MYO1B: variants seen among roughly 807,000 people sequenced by gnomAD.
MYO1B encodes the protein unconventional myosin-Ib.
In MYO1B, 72 loss-of-function variants were observed where a neutral mutation model predicts 159.7. The observed-to-expected ratio is 0.45, with a 90% confidence interval of 0.37 to 0.55. The LOEUF (loss-of-function observed/expected upper bound fraction) is 0.55. MYO1B is among the 20% of genes least tolerant of loss of function. The probability of loss-of-function intolerance (pLI) is 0.00; values close to 1 mark genes in which losing one functional copy is unlikely to be tolerated. For synonymous variants in MYO1B, 468 were observed against 473.8 expected, an observed-to-expected ratio of 0.99 and a Z score of 0.16; for missense variants, 1,062 against 1,364.8, an observed-to-expected ratio of 0.78 and a Z score of 3.50.
Position 191,350,191 on chromosome 2 carries a change from TA to T in MYO1B, c.531del (p.Gly178AlafsTer4). ...GKYMDIEFDF[K>X]GDPLGGVISN... Reference sequence around the variant, plus strand: ...AATATATGGATATTGAATTTGACTTTAAAGGCGATCCACTAGGAGGAGTAAT... The same window carrying T: ...AATATATGGATATTGAATTTGACTTTAAGGCGATCCACTAGGAGGAGTAAT... On this transcript the variant is annotated frameshift_variant, in exon 7 of 31. Coordinates refer to ENST00000392318, the MANE Select transcript of MYO1B (RefSeq NM_001130158.3). LOFTEE classifies it high-confidence loss of function. 6.2e-7 allele frequency: 1 copy of T among 1,612,966 alleles called. No homozygotes were observed. The highest frequency in any genetic ancestry group is 8.5e-7 in the Non-Finnish European group (1 of 1,179,268).
chr2:191,274,840 C>A (rs1043329995), intron 1 of MYO1B, among the ~76,000 whole-genome samples: 1 of 152,138 alleles, frequency 6.6e-6, no homozygotes. Flanking sequence ...CAGCCAACTT[C>A]AAAATATACA....
intron 3 of MYO1B, among the ~76,000 whole-genome samples, chr2:191,306,647 A>G (rs139089987): frequency 1.3e-5 from 2 of 152,190 alleles, no homozygotes; most frequent in African/African-American, 4.8e-5. Context: ...GCAAATCCAT[A>G]GGATGCAGTG....
rs554734131 is a variant in MYO1B at position 191,330,136 on chromosome 2, G to T, written c.346+107G>T. ...TAGCAAGATCTGTCGCAGGGCCACT[G>T]TGAGGGTGCTTCTGCAGGAGGATAC... On this transcript the variant is annotated intron_variant, in intron 4 of 30. Transcript: ENST00000392318. 1.3e-4 allele frequency: 109 copies of T among 860,318 alleles called. 1 individual carries two copies. In the East Asian group the frequency reaches 2.9e-3, roughly 23 times the overall value. The allele number at this position is 860,318 out of a possible 1,614,324, so 53.3% of individuals were successfully genotyped here. A position where few individuals can be genotyped will look rare whatever the true frequency, so the allele number is the denominator to read the frequency against.
rs192601670 is a variant in MYO1B at position 191,345,333 on chromosome 2, G to A, written c.452-903G>A. 8.6e-4 allele frequency among the ~76,000 whole-genome samples: 131 copies of A among 152,262 alleles called. 1 individual carries two copies. Among genetic ancestry groups the A allele is most frequent in the Admixed American group, 7.8e-3 (119 of 15,282 alleles). ...GCTTCCAGAGTGTCAAACAGGGATC[G>A]CCTCTACTTATACAACTTATGTTTA... is the stretch of plus-strand genomic sequence containing the variant. On this transcript the variant is annotated intron_variant, in intron 5 of 30. Transcript: ENST00000392318.
intron 30 of MYO1B, 102 bp from the exon 31 acceptor site, chr2:191,423,735 G>A: frequency 7.6e-7 from 1 of 1,310,530 alleles, no homozygotes; most frequent in African/African-American, 1.5e-5. Context: ...TGCGCAGCCT[G>A]TACTCGTCAA....
At chr2:191,331,984 C>T (rs1259498743) in intron 4 of MYO1B, among the ~76,000 whole-genome samples, 2 of 152,204 alleles carry the variant, frequency 1.3e-5, no homozygotes, top group African/African-American at 4.8e-5. Context: ...CTTTTTGAGA[C>T]AGAGTCTCGC....
intron 3 of MYO1B, among the ~76,000 whole-genome samples, chr2:191,323,479 GT>G (rs1252046785): frequency 6.6e-6 from 1 of 152,112 alleles, no homozygotes; most frequent in Admixed American, 6.6e-5. Context: ...CATTCAGATA[GT>G]ATGATTTTCT....
chr2:191,355,186 T>A (rs1693191439), intron 7 of MYO1B, among the ~76,000 whole-genome samples: 1 of 152,176 alleles, frequency 6.6e-6, no homozygotes. Context: ...GCTAGACATA[T>A]GAGTGAGGAC....
At chr2:191,308,305 G>C (rs1417826070) in intron 3 of MYO1B, among the ~76,000 whole-genome samples, 1 of 152,194 alleles carries the variant, frequency 6.6e-6, no homozygotes, top group Non-Finnish European at 1.5e-5. Context: ...GTGGACATGT[G>C]TATTATACAT....
At chr2:191,367,345 G>C (rs1284324709) in intron 11 of MYO1B, among the ~76,000 whole-genome samples, 3 of 152,078 alleles carry the variant, frequency 2.0e-5, no homozygotes, top group Admixed American at 2.0e-4. Flanking sequence ...ATTTTTAGTT[G>C]ACTAAAGGGT....
chr2:191,414,089 A>C lies in MYO1B; in HGVS notation c.2915A>C (p.Lys972Thr), dbSNP rs143955447. ...CAAGGGGCTTACCTGGAAATCAACA[A>C]GAACCCCAAGTATAAGAAACTCAAA... ...PFQGAYLEIN[K>T]NPKYKKLKDA... Residue 972 changes from lysine to threonine, a missense_variant, in exon 28 of 31, where the codon AAG (lysine) becomes ACG (threonine). Physicochemically the swap from Lys to Thr is moderately conservative, Grantham distance 78. Coordinates refer to ENST00000392318, the MANE Select transcript of MYO1B (RefSeq NM_001130158.3). 99 of 1,613,184 alleles carry C rather than the reference A, an allele frequency of 6.1e-5. No individual in the cohort carries two copies. In the African/African-American group the frequency reaches 1.3e-3, roughly 21 times the overall value.
intron 13 of MYO1B, among the ~76,000 whole-genome samples, chr2:191,373,290 A>G (rs1450027644): frequency 6.6e-6 from 1 of 152,212 alleles, no homozygotes; most frequent in Non-Finnish European, 1.5e-5. Flanking sequence ...CAGAGCAATT[A>G]TGTCAGAATC....
At chr2:191,375,192 A>G (rs1694619257) in intron 13 of MYO1B, among the ~76,000 whole-genome samples, 1 of 152,238 alleles carries the variant, frequency 6.6e-6, no homozygotes, top group Admixed American at 6.5e-5. Flanking sequence ...TGACCCATAT[A>G]TGGTAAGAGT....
chr2:191,253,447 C>T (rs1393106944), intron 1 of MYO1B, among the ~76,000 whole-genome samples: 1 of 152,134 alleles, frequency 6.6e-6, no homozygotes, highest in Non-Finnish European at 1.5e-5. Flanking sequence ...GTTCCTTCCC[C>T]CCAGAAGCCC....
intron 7 of MYO1B, among the ~76,000 whole-genome samples, chr2:191,360,008 C>G (rs1255528959): frequency 6.6e-6 from 1 of 152,160 alleles, no homozygotes; most frequent in African/African-American, 2.4e-5. Flanking sequence ...TGAGAACCAT[C>G]TTTCTCTAAG....
chr2:191,250,386 C>G (rs1367680761), intron 1 of MYO1B, among the ~76,000 whole-genome samples: 1 of 152,178 alleles, frequency 6.6e-6, no homozygotes, highest in Non-Finnish European at 1.5e-5. Context: ...CCATTCTATG[C>G]GAGAAGGTTT....
chr2:191,348,699 C>A (rs944657555), intron 6 of MYO1B, among the ~76,000 whole-genome samples: 6 of 152,174 alleles, frequency 3.9e-5, no homozygotes, highest in Non-Finnish European at 4.4e-5. Flanking sequence ...CTACTTAAAG[C>A]CACCAACATT....
At chr2:191,386,151 G>C in intron 16 of MYO1B, 67 bp downstream of exon 16, 1 of 1,489,836 alleles carries the variant, frequency 6.7e-7, no homozygotes. Context: ...CTGTACCTCA[G>C]AGATGGGCGT....
chr2:191,418,975 A>G (rs1000341906), intron 30 of MYO1B, among the ~76,000 whole-genome samples: 3 of 152,194 alleles, frequency 2.0e-5, no homozygotes, highest in Admixed American at 6.5e-5. Flanking sequence ...TTGGTCAGCA[A>G]TGGATTGCAC....
Sources: allele counts gnomAD v4.1 joint callset (sites outside exome capture counted in the v4.1 genomes callset), GRCh38; gene constraint gnomAD v4.1.1; transcripts MANE v1.5; gene names NCBI Gene and HGNC (gene_info 2026-07-23, HGNC 2026-07-21).